TMEM14A: variants seen among roughly 807,000 people sequenced by gnomAD.
The protein encoded by TMEM14A is transmembrane protein 14A.
Under a neutral mutation model 11.6 loss-of-function variants are expected in TMEM14A, and 8 were observed. The ratio of observed to expected loss-of-function variants is 0.69; its 90% CI spans 0.40 to 1.24. The LOEUF is 1.24. Ranked by LOEUF, TMEM14A falls within the 50% of genes most tolerant of loss-of-function variation. TMEM14A has a pLI of 0.01. For synonymous variants in TMEM14A, 34 were observed against 45.5 expected (o/e 0.75, Z 1.02); for missense variants, 108 against 121.9 (o/e 0.89, Z 0.54).
At chr6:52,678,412 T>C (rs1385420069) in intron 2 of TMEM14A, among the ~76,000 whole-genome samples, 1 of 151,798 alleles carries the variant, frequency 6.6e-6, no homozygotes, top group African/African-American at 2.4e-5. Context: ...CTTCATTGTT[T>C]ACCAGCTGGT....
At chr6:52,680,707 A>ATATATGTATATAT (rs1305349150) in intron 2 of TMEM14A, among the ~76,000 whole-genome samples, 1 of 118,324 alleles carries the variant, frequency 8.5e-6, no homozygotes, top group African/African-American at 3.0e-5. Context: ...ATATATATAC[A>ATATATGTATATAT]CATATATATA....
At chr6:52,681,346 T>A (rs1769389282) in intron 2 of TMEM14A, among the ~76,000 whole-genome samples, 1 of 152,202 alleles carries the variant, frequency 6.6e-6, no homozygotes, top group Non-Finnish European at 1.5e-5. Context: ...TTATTCAGGA[T>A]GGAACCATTG....
chr6:52,675,195 C>T (rs1769233605), intron 1 of TMEM14A, among the ~76,000 whole-genome samples: 1 of 152,060 alleles, frequency 6.6e-6, no homozygotes, highest in Admixed American at 6.6e-5. Flanking sequence ...TTTTTATGTT[C>T]TACATTAATT....
chr6:52,680,660 T>TATATATGTTTATATATATATAC (rs1769358050), intron 2 of TMEM14A, among the ~76,000 whole-genome samples: 1 of 46,708 alleles, frequency 2.1e-5, no homozygotes, highest in African/African-American at 7.2e-5. Context: ...TGTGTGTGTA[T>TATATATGTTTATATATATATAC]ATATATGTGT....
chr6:52,684,978 T>C (rs1769465793), intron 4 of TMEM14A, among the ~76,000 whole-genome samples: 1 of 152,242 alleles, frequency 6.6e-6, no homozygotes, highest in Admixed American at 6.5e-5. Context: ...TTTTATGTTT[T>C]CAAAAATGAT....
In TMEM14A at chr6:52,680,684, CATATATGTATAT is replaced by C. The variant is rs1561875114; in HGVS notation, c.71-1122_71-1111del. Reference sequence around the variant, plus strand: ...ATATATATGTGTATATATATATATACATATATGTATATATATATATACACATATATATATGGC... The same window carrying C: ...ATATATATGTGTATATATATATATACATATATATACACATATATATATGGC... On this transcript the variant is annotated intron_variant, in intron 2 of 4. Transcript: ENST00000211314. Among the ~76,000 whole-genome samples the C allele has an allele frequency of 1.0e-4, 4 of 38,706 alleles. 1 individual carries two copies. Among genetic ancestry groups the C allele is most frequent in the Non-Finnish European group, 2.3e-4 (4 of 17,686 alleles). The allele number at this position is 38,706 out of a possible 152,430, so 25.4% of individuals were successfully genotyped here.
rs376655581 is a variant in TMEM14A, at chr6:52,676,187, C to G, written c.-16-900C>G. ...CAGAGGAGAATCAGCTTGAGGTACCCCCCAGAGTGTGCTTAACAGTGATGA... is the reference window on the plus strand; with the variant it reads ...CAGAGGAGAATCAGCTTGAGGTACCGCCCAGAGTGTGCTTAACAGTGATGA... On this transcript the variant is annotated intron_variant, in intron 1 of 4. Coordinates refer to ENST00000211314, the MANE Select transcript of TMEM14A (RefSeq NM_014051.4). Among the ~76,000 whole-genome samples the G allele has an allele frequency of 2.0e-4, 31 of 152,236 alleles. No individual in the cohort carries two copies. In the East Asian group the frequency reaches 5.2e-3, roughly 26 times the overall value.
At chr6:52,680,708 C>CACACACAT (rs1241526053) in intron 2 of TMEM14A, among the ~76,000 whole-genome samples, 5 of 21,548 alleles carry the variant, frequency 2.3e-4, no homozygotes, top group Non-Finnish European at 3.5e-4. Flanking sequence ...TATATATACA[C>CACACACAT]ATATATATAT....
intron 1 of TMEM14A, among the ~76,000 whole-genome samples, chr6:52,674,373 A>T (rs1398351051): frequency 6.6e-6 from 1 of 152,198 alleles, no homozygotes; most frequent in Non-Finnish European, 1.5e-5. Context: ...CTCAGTTATC[A>T]GAGGTGATGT....
chr6:52,674,749 C>T lies in TMEM14A; in HGVS notation c.-16-2338C>T, dbSNP rs1210832093. ...GATGAGCTCTCCTGTTTTAATTCTCCTTCCTGCAGATGATGAGCATTTTTC... is the reference window on the plus strand; with the variant it reads ...GATGAGCTCTCCTGTTTTAATTCTCTTTCCTGCAGATGATGAGCATTTTTC... On this transcript the variant is annotated intron_variant, in intron 1 of 4. Coordinates refer to ENST00000211314, the MANE Select transcript of TMEM14A (RefSeq NM_014051.4). Among the ~76,000 whole-genome samples the T allele has an allele frequency of 3.9e-5, 6 of 152,288 alleles. No individual in the cohort carries two copies. The South Asian group carries it at 8.3e-4, about 21-fold the overall frequency.
intron 2 of TMEM14A, among the ~76,000 whole-genome samples, chr6:52,678,950 C>T (rs917040761): frequency 2.0e-5 from 3 of 152,170 alleles, no homozygotes; most frequent in Non-Finnish European, 4.4e-5. Flanking sequence ...GTTAACTCTC[C>T]TTTGACTTAG....
chr6:52,686,084 T>C lies in TMEM14A; in HGVS notation c.*35T>C, dbSNP rs371255569. On this transcript the variant is annotated 3_prime_UTR_variant, in exon 5 of 5. Transcript: ENST00000211314. Reference sequence around the variant, plus strand: ...GGAACAGAAAACTAAGTTCATGTCATCCTGCTGTAATGGGCAGAGCATATT... The same window carrying C: ...GGAACAGAAAACTAAGTTCATGTCACCCTGCTGTAATGGGCAGAGCATATT... 6.3e-7 allele frequency: 1 copy of C among 1,599,870 alleles called. No homozygotes were observed. The highest frequency in any genetic ancestry group is 1.3e-5 in the African/African-American group (1 of 74,358).
At chr6:52,672,275 G>T (rs1363826922) in intron 1 of TMEM14A, among the ~76,000 whole-genome samples, 1 of 151,732 alleles carries the variant, frequency 6.6e-6, no homozygotes, top group East Asian at 2.0e-4. Context: ...CTGGCTGAGA[G>T]TTGAGAGAAT....
At chr6:52,683,491 A>C (rs373135906) in intron 3 of TMEM14A, among the ~76,000 whole-genome samples, 7,746 of 151,424 alleles carry the variant, frequency 0.051, 258 homozygotes, top group Middle Eastern at 0.14. Flanking sequence ...AACAAAAAAA[A>C]AAAAAAGAAA....
intron 1 of TMEM14A, among the ~76,000 whole-genome samples, chr6:52,673,985 C>T (rs1180045317): frequency 6.6e-6 from 1 of 152,130 alleles, no homozygotes; most frequent in African/African-American, 2.4e-5. Flanking sequence ...TTGTTGAGTG[C>T]TCAGTATGTG....
At chr6:52,678,062 G>A (rs554244235) in intron 2 of TMEM14A, among the ~76,000 whole-genome samples, 46 of 151,882 alleles carry the variant, frequency 3.0e-4, no homozygotes, top group Admixed American at 1.2e-3. Context: ...TTAGAGATGT[G>A]TATTTGAAGG....
chr6:52,684,542 A>G (rs1350707868), intron 4 of TMEM14A, among the ~76,000 whole-genome samples: 2 of 152,206 alleles, frequency 1.3e-5, no homozygotes, highest in East Asian at 1.9e-4. Flanking sequence ...TGATACAGTT[A>G]TTTCAAGTTT....
intron 2 of TMEM14A, among the ~76,000 whole-genome samples, chr6:52,679,745 A>G (rs1244691970): frequency 6.6e-6 from 1 of 152,050 alleles, no homozygotes; most frequent in Non-Finnish European, 1.5e-5. Context: ...AAATGTCTCA[A>G]GAACCTTCCT....
Position 52,680,669 on chromosome 6 carries a change from G to GTGTGTATA in TMEM14A, c.71-1143_71-1142insGTGTATAT, listed in dbSNP as rs1769360469. 5.6e-3 allele frequency among the ~76,000 whole-genome samples: 202 copies of GTGTGTATA among 35,968 alleles called. 5 individuals carry two copies. The highest frequency in any genetic ancestry group is 0.032 in the Middle Eastern group (2 of 62). 23.6% of individuals were successfully genotyped at this position (35,968 alleles called of 152,430 possible). On this transcript the variant is annotated intron_variant, in intron 2 of 4. Coordinates refer to ENST00000211314, the MANE Select transcript of TMEM14A (RefSeq NM_014051.4). ...TATATATGTGTGTGTATATATATGTGTATATATATATATACATATATGTAT... is the reference window on the plus strand; with the variant it reads ...TATATATGTGTGTGTATATATATGTGTGTGTATATATATATATATATACATATATGTAT...
Sources: allele counts gnomAD v4.1 joint callset (sites outside exome capture counted in the v4.1 genomes callset), GRCh38; gene constraint gnomAD v4.1.1; transcripts MANE v1.5; gene names NCBI Gene and HGNC (gene_info 2026-07-23, HGNC 2026-07-21).